Variants in PCDH15 observed in about 807,000 individuals in gnomAD.
PCDH15 encodes protocadherin related 15.
A neutral mutation model predicts 178.5 loss-of-function variants in PCDH15; 129 were observed. The ratio of observed to expected loss-of-function variants is 0.72; its 90% CI spans 0.63 to 0.84. The LOEUF is 0.84. Among genes scored for constraint, PCDH15 ranks in the 40% least tolerant of loss-of-function variants. The probability of loss-of-function intolerance (pLI) is 0.00; values close to 1 mark genes in which losing one functional copy is unlikely to be tolerated. For missense variants in PCDH15, 2,230 were observed against 2,099.9 expected, an observed-to-expected ratio of 1.06 and a Z score of -1.21; for synonymous variants, 800 against 732.0, an observed-to-expected ratio of 1.09 and a Z score of -1.50.
At position 53,803,353 on chromosome 10, in the gene PCDH15, G is replaced by GA. The variant is rs1260803581; in HGVS notation, c.*3225dup. The GA allele has an allele frequency of 6.6e-6, 1 of 151,912 alleles. No homozygotes were observed. Among genetic ancestry groups the GA allele is most frequent in the African/African-American group, 2.4e-5 (1 of 41,418 alleles). The allele number at this position is 151,912 out of a possible 1,614,324, so 9.4% of individuals were successfully genotyped here. ...ATCAAAGCTCATGAAATAAAAGACA[G>GA]AAAATGTCTTCCCTCGAGAGTCAAT... On this transcript the variant is annotated 3_prime_UTR_variant, in exon 38 of 38. Coordinates refer to ENST00000644397, the MANE Select transcript of PCDH15 (RefSeq NM_001384140.1).
intron 2 of PCDH15, among the ~76,000 whole-genome samples, chr10:55,618,751 G>C (rs1487544403): frequency 6.6e-6 from 1 of 151,972 alleles, no homozygotes; most frequent in Non-Finnish European, 1.5e-5. Context: ...GAGTCTGGAA[G>C]CCCAATTACT....
chr10:55,296,190 T>C (rs1271808830), intron 1 of PCDH15, among the ~76,000 whole-genome samples: 2 of 152,172 alleles, frequency 1.3e-5, no homozygotes, highest in Non-Finnish European at 2.9e-5. Context: ...ACCTCCATTG[T>C]TCACCAACCC....
intron 2 of PCDH15, among the ~76,000 whole-genome samples, chr10:55,087,462 G>T (rs1842201273): frequency 6.6e-6 from 1 of 152,180 alleles, no homozygotes; most frequent in Non-Finnish European, 1.5e-5. Flanking sequence ...AGGTTGACAG[G>T]TGCTATTTTT....
At chr10:55,521,387 C>G (rs981352494) in intron 2 of PCDH15, among the ~76,000 whole-genome samples, 1 of 151,936 alleles carries the variant, frequency 6.6e-6, no homozygotes, top group Non-Finnish European at 1.5e-5. Context: ...ACTGGCAGCA[C>G]AGCAAACGGT....
Position 54,197,052 on chromosome 10 carries a change from T to C in PCDH15, c.1099-1163A>G, listed in dbSNP as rs368300786. ...ATAAAATTAATAAAGTTATATTTAT[T>C]GCCCACTGACCGTCCCCAAAAGCTT... is the stretch of plus-strand genomic sequence containing the variant. On this transcript the variant is annotated intron_variant, in intron 10 of 37. Coordinates refer to ENST00000644397, the MANE Select transcript of PCDH15 (RefSeq NM_001384140.1). 8.5e-5 allele frequency among the ~76,000 whole-genome samples: 13 copies of C among 152,330 alleles called. No individual in the cohort carries two copies. In the East Asian group the frequency reaches 2.5e-3, roughly 29 times the overall value.
At chr10:54,259,677 ATGGATTAGTT>A (rs1251412623) in intron 8 of PCDH15, among the ~76,000 whole-genome samples, 2 of 152,164 alleles carry the variant, frequency 1.3e-5, no homozygotes, top group African/African-American at 4.8e-5. Context: ...GGGCATTACT[ATGGATTAGTT>A]CTCTGTGTGT....
intron 2 of PCDH15, among the ~76,000 whole-genome samples, chr10:55,341,541 C>T (rs564887316): frequency 3.4e-4 from 51 of 148,748 alleles, no homozygotes; most frequent in African/African-American, 1.2e-3. Context: ...GAGGTAGACA[C>T]TATTATTTTT....
At chr10:54,593,886 A>C (rs2092041818) in intron 2 of PCDH15, among the ~76,000 whole-genome samples, 1 of 151,944 alleles carries the variant, frequency 6.6e-6, no homozygotes, top group Non-Finnish European at 1.5e-5. Flanking sequence ...CAAGATGGCC[A>C]ACTAGATGCA....
At chr10:54,864,510 T>A (rs1186142120) in intron 3 of PCDH15, among the ~76,000 whole-genome samples, 1 of 152,196 alleles carries the variant, frequency 6.6e-6, no homozygotes, top group Non-Finnish European at 1.5e-5. Context: ...ATGTACGGTT[T>A]ATTGTTATAT....
At chr10:53,894,477 C>G (rs1306112824) in intron 26 of PCDH15, among the ~76,000 whole-genome samples, 1 of 152,114 alleles carries the variant, frequency 6.6e-6, no homozygotes, top group Non-Finnish European at 1.5e-5. Flanking sequence ...TTTCCTCATA[C>G]TTGGCAATGG....
In PCDH15 at chr10:54,801,140, A is replaced by C. The variant is rs147175457; in HGVS notation, c.-244T>G. The C allele has an allele frequency of 2.0e-5, 3 of 152,142 alleles. No individual in the cohort carries two copies. The East Asian group carries it at 5.8e-4, about 29-fold the overall frequency. 9.4% of individuals were successfully genotyped at this position (152,142 alleles called of 1,614,324 possible). On this transcript the variant is annotated 5_prime_UTR_variant, in exon 1 of 38. Coordinates refer to ENST00000644397, the MANE Select transcript of PCDH15 (RefSeq NM_001384140.1). The stretch of plus-strand genomic sequence containing the variant: ...TACTAGGAAAATTTTTAGAAAAGCA[A>C]AACAGTTCAACATGTTAACTCAGAA...
At chr10:54,537,218 C>T (rs1462549831) in intron 2 of PCDH15, among the ~76,000 whole-genome samples, 1 of 151,940 alleles carries the variant, frequency 6.6e-6, no homozygotes, top group East Asian at 1.9e-4. Flanking sequence ...CCAGGATGGT[C>T]GCGATCTCCT....
At chr10:55,016,415 C>T (rs1454226483) in intron 2 of PCDH15, among the ~76,000 whole-genome samples, 1 of 151,994 alleles carries the variant, frequency 6.6e-6, no homozygotes, top group Non-Finnish European at 1.5e-5. Flanking sequence ...CCATCACCTT[C>T]CCCAGCCCCC....
intron 3 of PCDH15, among the ~76,000 whole-genome samples, chr10:54,895,746 T>C (rs1954533864): frequency 1.3e-5 from 2 of 152,212 alleles, no homozygotes; most frequent in Admixed American, 1.3e-4. Flanking sequence ...CAATAGTTCT[T>C]ATTATTTTGA....
At chr10:54,105,317 TACACACACACATAC>T (rs2094897441) in intron 15 of PCDH15, among the ~76,000 whole-genome samples, 1 of 91,574 alleles carries the variant, frequency 1.1e-5, no homozygotes. Context: ...TATATATATA[TACACACACACATAC>T]ATATATATAC....
At chr10:54,268,527 T>C (rs923715138) in intron 8 of PCDH15, among the ~76,000 whole-genome samples, 3 of 151,912 alleles carry the variant, frequency 2.0e-5, no homozygotes, top group Non-Finnish European at 4.4e-5. Context: ...CCAACAATGG[T>C]GGATTGTATA....
intron 2 of PCDH15, among the ~76,000 whole-genome samples, chr10:55,410,743 C>T (rs2132034664): frequency 6.6e-6 from 1 of 152,168 alleles, no homozygotes; most frequent in East Asian, 1.9e-4. Context: ...GCTGAGAAAA[C>T]AACTGCTGCT....
chr10:53,808,968 T>C (rs772075897), intron 37 of PCDH15: 10 of 1,558,772 alleles, frequency 6.4e-6, no homozygotes, highest in African/African-American at 1.4e-5. Context: ...CTTCTGAGTG[T>C]TCTTCTTCTT....
At chr10:54,380,665 A>ATATATATG in intron 3 of PCDH15, among the ~76,000 whole-genome samples, 1 of 91,192 alleles carries the variant, frequency 1.1e-5, no homozygotes, top group Non-Finnish European at 2.2e-5. Context: ...ATATATATAT[A>ATATATATG]TATATGCTCC....
Sources: gnomAD v4.1 joint callset for allele counts (sites outside exome capture counted in the v4.1 genomes callset) on GRCh38, gnomAD v4.1.1 for gene constraint, MANE v1.5 for transcripts, NCBI Gene and HGNC (gene_info 2026-07-23, HGNC 2026-07-21) for gene names.